Variants in CELF4 observed in about 807,000 individuals in gnomAD.
CELF4 encodes the protein CUG-BP- and ETR-3-like factor 4.
CELF4 carries 18 observed loss-of-function variants against 59.9 expected under a neutral mutation model. The ratio of observed to expected loss-of-function variants is 0.30; its 90% confidence interval spans 0.21 to 0.45. CELF4 has a LOEUF of 0.45. Ranked by LOEUF, CELF4 falls within the 20% of genes least tolerant of loss-of-function variation. The pLI is 1.00. For missense variants in CELF4, 456 were observed against 689.0 expected, an observed-to-expected ratio of 0.66 and a Z score of 3.79; for synonymous variants, 261 against 267.1, an observed-to-expected ratio of 0.98 and a Z score of 0.22.
At chr18:37,449,452 T>C (rs1216165090) in intron 2 of CELF4, among the ~76,000 whole-genome samples, 1 of 152,160 alleles carries the variant, frequency 6.6e-6, no homozygotes, top group Non-Finnish European at 1.5e-5. Context: ...GGAGAAGTTC[T>C]ACCACCCACT....
chr18:37,403,505 A>G (rs1355844396), intron 2 of CELF4, among the ~76,000 whole-genome samples: 2 of 152,134 alleles, frequency 1.3e-5, no homozygotes, highest in Non-Finnish European at 2.9e-5. Context: ...GTGGAGGGAC[A>G]GGGCCATGTG....
At chr18:37,359,348 T>C (rs61490930) in intron 2 of CELF4, among the ~76,000 whole-genome samples, 25,832 of 152,100 alleles carry the variant, frequency 0.17, 2,683 homozygotes, top group East Asian at 0.32. Flanking sequence ...GTTGCCTTTT[T>C]AGTTATTTAT....
intron 1 of CELF4, among the ~76,000 whole-genome samples, chr18:37,524,538 C>T (rs1477223606): frequency 6.6e-6 from 1 of 152,228 alleles, no homozygotes; most frequent in African/African-American, 2.4e-5. Flanking sequence ...CCTGACTCAG[C>T]TCCCACTTCT....
intron 2 of CELF4, among the ~76,000 whole-genome samples, chr18:37,337,294 C>CCTTGAGAA: frequency 6.6e-6 from 1 of 152,280 alleles, no homozygotes; most frequent in Admixed American, 6.5e-5. Flanking sequence ...CATGGTGAGC[C>CCTTGAGAA]TCACACCCTC....
At chr18:37,344,654 C>T (rs1402067377) in intron 2 of CELF4, among the ~76,000 whole-genome samples, 4 of 152,204 alleles carry the variant, frequency 2.6e-5, no homozygotes, top group South Asian at 4.1e-4. Context: ...CATATGTGCA[C>T]AGCTTTCTGT....
intron 1 of CELF4, 81 bp downstream of exon 1, chr18:37,565,275 C>T (rs1165146973): frequency 4.7e-5 from 67 of 1,439,878 alleles, no homozygotes; most frequent in Non-Finnish European, 6.2e-5. Flanking sequence ...TAGTCCGCCG[C>T]TCGTCAGTCG....
intron 9 of CELF4, among the ~76,000 whole-genome samples, chr18:37,265,708 G>C (rs2077204348): frequency 6.6e-6 from 1 of 152,138 alleles, no homozygotes; most frequent in South Asian, 2.1e-4. Context: ...CAGAGCTCAG[G>C]GGACCCAAGA....
At chr18:37,433,351 C>G (rs1603638939) in intron 2 of CELF4, among the ~76,000 whole-genome samples, 1 of 152,098 alleles carries the variant, frequency 6.6e-6, no homozygotes, top group Non-Finnish European at 1.5e-5. Context: ...ATGTCCCATG[C>G]CCTGCTCTTG....
chr18:37,514,450 C>G (rs1458513409), intron 1 of CELF4, among the ~76,000 whole-genome samples: 1 of 152,172 alleles, frequency 6.6e-6, no homozygotes, highest in African/African-American at 2.4e-5. Flanking sequence ...TGGCTCTGTG[C>G]TGGATGCTGA....
At chr18:37,513,042 A>G (rs2099946350) in intron 1 of CELF4, among the ~76,000 whole-genome samples, 1 of 152,056 alleles carries the variant, frequency 6.6e-6, no homozygotes, top group African/African-American at 2.4e-5. Flanking sequence ...GGCACAGGAG[A>G]CCCAGGCGAA....
At position 37,259,233 on chromosome 18, in the gene CELF4, A is replaced by G. The variant is rs150771099; in HGVS notation, c.1281T>C (p.His427=). The G allele has an allele frequency of 1.7e-4, 230 of 1,354,480 alleles. No individual in the cohort carries two copies. The highest frequency in any genetic ancestry group is 2.2e-4 in the Non-Finnish European group (223 of 1,020,046). 83.9% of individuals were successfully genotyped at this position (1,354,480 alleles called of 1,614,324 possible). The change falls in exon 11 of 13, where the codon CAT becomes CAC. Residue 427 remains histidine (H), a synonymous_variant. Coordinates refer to ENST00000420428, the MANE Select transcript of CELF4 (RefSeq NM_020180.4). ...GPEGCNLFIY[H]LPQEFGDAEL... is the part of the protein sequence containing the mutation. ...CAGCGTCCCCAAACTCCTGGGGCAG[A>G]TGGTAGATGAACAGGTTACAGCCCT... is the stretch of plus-strand genomic sequence containing the variant.
intron 1 of CELF4, among the ~76,000 whole-genome samples, chr18:37,555,535 T>C (rs2099984530): frequency 6.6e-6 from 1 of 152,140 alleles, no homozygotes; most frequent in Admixed American, 6.5e-5. Context: ...AACCAGTCAA[T>C]ATGATTAATT....
At chr18:37,483,655 G>C (rs7236461) in intron 2 of CELF4, among the ~76,000 whole-genome samples, 45,746 of 152,066 alleles carry the variant, frequency 0.3, 7,210 homozygotes, top group African/African-American at 0.41. Flanking sequence ...TGTTAATTAT[G>C]GGTGGAAAGG....
intron 2 of CELF4, among the ~76,000 whole-genome samples, chr18:37,409,237 C>A (rs1048152881): frequency 6.6e-6 from 1 of 152,214 alleles, no homozygotes; most frequent in South Asian, 2.1e-4. Flanking sequence ...GGGTTTGGTG[C>A]CTCTTGCCCT....
chr18:37,377,000 G>A (rs1421766947), intron 2 of CELF4, among the ~76,000 whole-genome samples: 2 of 152,072 alleles, frequency 1.3e-5, no homozygotes, highest in African/African-American at 4.8e-5. Context: ...GGAGGGTGGA[G>A]GGGAGAGGGT....
chr18:37,354,423 C>G (rs2098526257), intron 2 of CELF4, among the ~76,000 whole-genome samples: 1 of 152,080 alleles, frequency 6.6e-6, no homozygotes, highest in Admixed American at 6.5e-5. Context: ...CTTTTCTGTC[C>G]CAATCTGGGG....
chr18:37,452,020 C>T (rs1457145332), intron 2 of CELF4, among the ~76,000 whole-genome samples: 2 of 152,192 alleles, frequency 1.3e-5, no homozygotes, highest in East Asian at 3.9e-4. Flanking sequence ...GGCTCCCTGC[C>T]TCCACGGGCC....
At chr18:37,275,268 A>G in intron 3 of CELF4, 25 bp from the exon 4 acceptor site, 1 of 1,609,220 alleles carries the variant, frequency 6.2e-7, no homozygotes, top group Non-Finnish European at 8.5e-7. Context: ...GGAGATGCTT[A>G]CCCGGGCCAG....
intron 2 of CELF4, among the ~76,000 whole-genome samples, chr18:37,346,175 C>A (rs2098251230): frequency 6.6e-6 from 1 of 152,196 alleles, no homozygotes; most frequent in Non-Finnish European, 1.5e-5. Context: ...AAGAACAGTG[C>A]CTGCCCCCAC....
Sources: allele counts gnomAD v4.1 joint callset (sites outside exome capture counted in the v4.1 genomes callset), GRCh38; gene constraint gnomAD v4.1.1; transcripts MANE v1.5; gene names NCBI Gene and HGNC (gene_info 2026-07-23, HGNC 2026-07-21).